The following MTDH variants were observed in gnomAD, a reference collection of about 807,000 sequenced individuals.
MTDH encodes metadherin, also known as protein LYRIC.
A neutral mutation model predicts 72.7 loss-of-function variants in MTDH; 34 were observed. The ratio of observed to expected loss-of-function variants is 0.47; its 90% confidence interval spans 0.36 to 0.62. MTDH has a LOEUF of 0.62. MTDH is among the 20% of genes least tolerant of loss of function. The pLI, the probability that MTDH is intolerant of heterozygous loss-of-function variation, is 0.00. For missense variants in MTDH, 677 were observed against 699.4 expected (o/e 0.97, Z 0.36); for synonymous variants, 266 against 268.9 (o/e 0.99, Z 0.10).
chr8:97,659,998 A>C (rs1812116639), intron 1 of MTDH, among the ~76,000 whole-genome samples: 1 of 152,168 alleles, frequency 6.6e-6, no homozygotes, highest in African/African-American at 2.4e-5. Context: ...GTCTCTACTA[A>C]AAATACAAAA....
intron 1 of MTDH, among the ~76,000 whole-genome samples, chr8:97,657,875 G>T (rs1422014549): frequency 1.3e-5 from 2 of 152,054 alleles, no homozygotes; most frequent in Non-Finnish European, 2.9e-5. Context: ...TTGAAGTTTT[G>T]GTTTGTAATT....
intron 2 of MTDH, among the ~76,000 whole-genome samples, chr8:97,680,165 T>C (rs1813013880): frequency 6.6e-6 from 1 of 152,176 alleles, no homozygotes; most frequent in Non-Finnish European, 1.5e-5. Context: ...CTCGACCTCC[T>C]GGGCTCAAGT....
chr8:97,678,706 C>T lies in MTDH; in HGVS notation c.484-7962C>T, dbSNP rs754205530. 4.1e-5 allele frequency among the ~76,000 whole-genome samples: 6 copies of T among 145,498 alleles called. 1 individual carries two copies. In the South Asian group the frequency reaches 1.1e-3, roughly 27 times the overall value. ...CTCCCACCTCAGCCTCCCAATATTT[C>T]GGGATTACAGGCATGAGCCACCTTG... On this transcript the variant is annotated intron_variant, in intron 2 of 11. Transcript: ENST00000336273.
chr8:97,664,332 G>T (rs1010761788), intron 2 of MTDH, among the ~76,000 whole-genome samples: 2 of 151,842 alleles, frequency 1.3e-5, no homozygotes, highest in Admixed American at 1.3e-4. Context: ...CTCCAGCCTG[G>T]GTGACAGAAT....
chr8:97,680,757 C>G (rs931788380), intron 2 of MTDH, among the ~76,000 whole-genome samples: 5 of 152,106 alleles, frequency 3.3e-5, no homozygotes, highest in African/African-American at 9.7e-5. Context: ...GGTTAAAGGT[C>G]GTTAGTTTCA....
At chr8:97,687,957 C>T (rs947625304) in intron 4 of MTDH, among the ~76,000 whole-genome samples, 1 of 152,180 alleles carries the variant, frequency 6.6e-6, no homozygotes, top group African/African-American at 2.4e-5. Context: ...AATGATTTAT[C>T]ACCATTTTGC....
At chr8:97,652,013 CA>C (rs1811790802) in intron 1 of MTDH, among the ~76,000 whole-genome samples, 1 of 152,154 alleles carries the variant, frequency 6.6e-6, no homozygotes, top group East Asian at 1.9e-4. Context: ...AAAGTACCAT[CA>C]ATTTTATCTC....
chr8:97,656,981 CAAA>C (rs113063188), intron 1 of MTDH, among the ~76,000 whole-genome samples: 1 of 130,754 alleles, frequency 7.6e-6, no homozygotes, highest in Non-Finnish European at 1.7e-5. Flanking sequence ...GACTGTGTCT[CAAA>C]AAAAAAAAAA....
At chr8:97,681,680 G>C (rs998494299) in intron 2 of MTDH, among the ~76,000 whole-genome samples, 1 of 151,744 alleles carries the variant, frequency 6.6e-6, no homozygotes, top group Non-Finnish European at 1.5e-5. Context: ...TTTTAGTAGA[G>C]ATAGGTTTTG....
intron 6 of MTDH, among the ~76,000 whole-genome samples, chr8:97,697,129 A>AAAAAAAAAAAATATAT (rs1480994506): frequency 1.2e-5 from 1 of 85,770 alleles, no homozygotes; most frequent in African/African-American, 6.8e-5. Context: ...CAAAAAAAAA[A>AAAAAAAAAAAATATAT]ATATATATAT....
At chr8:97,704,764 C>T (rs1814279449) in intron 7 of MTDH, among the ~76,000 whole-genome samples, 1 of 151,578 alleles carries the variant, frequency 6.6e-6, no homozygotes, top group East Asian at 1.9e-4. Flanking sequence ...CTTCCAAAAC[C>T]TAGATTTTAA....
At chr8:97,663,221 T>C (rs932000475) in intron 2 of MTDH, among the ~76,000 whole-genome samples, 5 of 152,160 alleles carry the variant, frequency 3.3e-5, no homozygotes, top group African/African-American at 1.2e-4. Context: ...CATTAACCTC[T>C]TAGTGATTAA....
intron 4 of MTDH, among the ~76,000 whole-genome samples, chr8:97,687,897 A>G (rs1168125756): frequency 1.3e-5 from 2 of 152,040 alleles, no homozygotes; most frequent in African/African-American, 4.8e-5. Flanking sequence ...CTTTGCCCCA[A>G]CTCCCTTGCA....
chr8:97,672,567 T>C (rs1009139585), intron 2 of MTDH, among the ~76,000 whole-genome samples: 1 of 152,214 alleles, frequency 6.6e-6, no homozygotes, highest in African/African-American at 2.4e-5. Flanking sequence ...CTCTAGACTT[T>C]TCTGTCTGAA....
chr8:97,689,464 T>TAA (rs34009363), intron 5 of MTDH, among the ~76,000 whole-genome samples: 13,720 of 142,988 alleles, frequency 0.096, 875 homozygotes, highest in East Asian at 0.25. Flanking sequence ...GCTTGTATGT[T>TAA]AAAAAAAAAA....
intron 8 of MTDH, among the ~76,000 whole-genome samples, chr8:97,711,786 A>G (rs972610015): frequency 2.0e-5 from 3 of 152,238 alleles, no homozygotes; most frequent in Admixed American, 1.3e-4. Flanking sequence ...CATAAAAGTT[A>G]TAAAATTTAC....
At chr8:97,701,612 G>A (rs1487879424) in intron 7 of MTDH, among the ~76,000 whole-genome samples, 1 of 152,110 alleles carries the variant, frequency 6.6e-6, no homozygotes, top group Non-Finnish European at 1.5e-5. Context: ...TTGTGCTTTA[G>A]GAAGAATTAT....
At chr8:97,692,257 C>T (rs1450330917) in intron 6 of MTDH, among the ~76,000 whole-genome samples, 3 of 152,340 alleles carry the variant, frequency 2.0e-5, no homozygotes, top group South Asian at 2.1e-4. Context: ...CCCTAGTCCC[C>T]ACTTAACATT....
At chr8:97,697,150 A>ATATATATATATATTTTTTTTTT in intron 6 of MTDH, among the ~76,000 whole-genome samples, 2 of 68,798 alleles carry the variant, frequency 2.9e-5, no homozygotes, top group African/African-American at 1.8e-4. Flanking sequence ...ATATATATAT[A>ATATATATATATATTTTTTTTTT]TTTTTTTTTT....
Sources: allele counts gnomAD v4.1 joint callset (sites outside exome capture counted in the v4.1 genomes callset), GRCh38; gene constraint gnomAD v4.1.1; transcripts MANE v1.5; gene names NCBI Gene and HGNC (gene_info 2026-07-23, HGNC 2026-07-21).